THSD7B: variants seen among roughly 807,000 people sequenced by gnomAD.
The protein encoded by THSD7B is thrombospondin type 1 domain containing 7B.
THSD7B carries 138 observed loss-of-function variants against 213.6 expected under a neutral mutation model. The observed-to-expected ratio is 0.65, with a 90% CI of 0.56 to 0.74. THSD7B has a LOEUF of 0.74. THSD7B is among the 30% of genes least tolerant of loss of function. The probability of loss-of-function intolerance (pLI) is 0.00; values close to 1 mark genes in which losing one functional copy is unlikely to be tolerated. For synonymous variants in THSD7B, 742 were observed against 687.0 expected (o/e 1.08, Z -1.25); for missense variants, 1,931 against 1,991.5 (o/e 0.97, Z 0.58).
intron 12 of THSD7B, among the ~76,000 whole-genome samples, chr2:137,311,746 T>G (rs1683914505): frequency 2.0e-5 from 3 of 151,578 alleles, no homozygotes; most frequent in South Asian, 2.1e-4. Flanking sequence ...AGGCCTTTTC[T>G]GCATCCATTG....
At chr2:137,435,584 A>T (rs941522006) in intron 14 of THSD7B, among the ~76,000 whole-genome samples, 11 of 152,206 alleles carry the variant, frequency 7.2e-5, no homozygotes, top group Middle Eastern at 3.4e-3. Context: ...TTCTGTCCTT[A>T]TATTTGTACA....
intron 5 of THSD7B, among the ~76,000 whole-genome samples, chr2:137,137,866 G>T (rs957330976): frequency 2.6e-5 from 4 of 151,370 alleles, no homozygotes; most frequent in Non-Finnish European, 4.4e-5. Flanking sequence ...GGTTTTGTTG[G>T]GTTTGTTTTT....
chr2:137,304,443 A>T (rs1215078990), intron 12 of THSD7B, among the ~76,000 whole-genome samples: 1 of 152,032 alleles, frequency 6.6e-6, no homozygotes, highest in Non-Finnish European at 1.5e-5. Flanking sequence ...TTCATATATA[A>T]ATCTAGATTT....
At chr2:137,214,710 G>C (rs185195786) in intron 7 of THSD7B, among the ~76,000 whole-genome samples, 1 of 151,304 alleles carries the variant, frequency 6.6e-6, no homozygotes, top group African/African-American at 2.4e-5. Flanking sequence ...GTGTTAGTTT[G>C]CTGAGAAAGA....
intron 10 of THSD7B, among the ~76,000 whole-genome samples, chr2:137,265,058 A>G (rs1460981776): frequency 6.6e-6 from 1 of 151,920 alleles, no homozygotes; most frequent in East Asian, 1.9e-4. Flanking sequence ...ATTCCCACCT[A>G]TGAGTGAGAA....
rs553725481 is a variant in THSD7B at position 137,458,554 on chromosome 2, T to C, written c.3138+7531T>C. Among the ~76,000 whole-genome samples the C allele has an allele frequency of 4.6e-5, 7 of 152,288 alleles. No homozygotes were observed. The South Asian group carries it at 6.2e-4, about 14-fold the overall frequency. On this transcript the variant is annotated intron_variant, in intron 15 of 27. Coordinates refer to ENST00000409968, the MANE Select transcript of THSD7B (RefSeq NM_001316349.2). ...CTTGCAGCTAATCTGGACGCAATAGTTTTGGCACCCATCAAGCGGAAAGCT... is the reference window on the plus strand; with the variant it reads ...CTTGCAGCTAATCTGGACGCAATAGCTTTGGCACCCATCAAGCGGAAAGCT...
chr2:137,450,258 A>T (rs1687621857), intron 14 of THSD7B, among the ~76,000 whole-genome samples: 1 of 152,204 alleles, frequency 6.6e-6, no homozygotes, highest in Admixed American at 6.5e-5. Flanking sequence ...GTAGAGCTAG[A>T]ACTTCCAAAG....
At chr2:137,095,216 A>C (rs1048958949) in intron 4 of THSD7B, 95 bp downstream of exon 4, 2 of 1,472,114 alleles carry the variant, frequency 1.4e-6, no homozygotes, top group Non-Finnish European at 1.8e-6. Context: ...ACTCATATTT[A>C]TTGAGTCTTC....
At chr2:136,771,460 C>T (rs577284090) in intron 1 of THSD7B, among the ~76,000 whole-genome samples, 26 of 152,264 alleles carry the variant, frequency 1.7e-4, no homozygotes, top group African/African-American at 5.5e-4. Flanking sequence ...TCTTGCCTGT[C>T]GTTAATTTCC....
chr2:137,657,963 G>A (rs1387302906), intron 24 of THSD7B, among the ~76,000 whole-genome samples: 1 of 151,920 alleles, frequency 6.6e-6, no homozygotes, highest in African/African-American at 2.4e-5. Context: ...TGCCCGCCTC[G>A]GCCTCCCAAA....
intron 3 of THSD7B, among the ~76,000 whole-genome samples, chr2:137,065,175 C>T (rs1687352976): frequency 6.6e-6 from 1 of 151,770 alleles, no homozygotes; most frequent in African/African-American, 2.4e-5. Flanking sequence ...ATTTTTTGTG[C>T]CCTCTTCAAT....
chr2:136,936,915 C>T (rs919467088), intron 2 of THSD7B, among the ~76,000 whole-genome samples: 7 of 152,072 alleles, frequency 4.6e-5, no homozygotes, highest in African/African-American at 2.4e-5. Context: ...AAACAAATCT[C>T]ACCAAACCCA....
intron 12 of THSD7B, among the ~76,000 whole-genome samples, chr2:137,400,998 C>A (rs1686343701): frequency 1.3e-5 from 2 of 152,166 alleles, no homozygotes; most frequent in African/African-American, 4.8e-5. Context: ...CGCTGACATG[C>A]CAAAGAGTTA....
chr2:137,174,360 T>G (rs1231910824), intron 7 of THSD7B, among the ~76,000 whole-genome samples: 1 of 152,182 alleles, frequency 6.6e-6, no homozygotes, highest in African/African-American at 2.4e-5. Context: ...GGAAGACATA[T>G]TGCTCTTCCC....
intron 15 of THSD7B, among the ~76,000 whole-genome samples, chr2:137,518,189 A>T (rs1680110563): frequency 1.3e-5 from 2 of 152,114 alleles, no homozygotes; most frequent in African/African-American, 2.4e-5. Flanking sequence ...CCCAGCCTGC[A>T]CTGATGGCCT....
At chr2:137,145,611 G>A (rs751978292) in intron 5 of THSD7B, among the ~76,000 whole-genome samples, 1 of 152,008 alleles carries the variant, frequency 6.6e-6, no homozygotes, top group Non-Finnish European at 1.5e-5. Flanking sequence ...CCCCCATGCT[G>A]CCAAATATTA....
intron 12 of THSD7B, among the ~76,000 whole-genome samples, chr2:137,321,154 C>A (rs1289596044): frequency 6.6e-6 from 1 of 152,184 alleles, no homozygotes; most frequent in Non-Finnish European, 1.5e-5. Flanking sequence ...TCATCTTTAT[C>A]TTAATTAGCC....
intron 12 of THSD7B, among the ~76,000 whole-genome samples, chr2:137,387,680 T>G (rs1685926911): frequency 6.6e-6 from 1 of 152,200 alleles, no homozygotes. Flanking sequence ...TTTCTAAGAT[T>G]GTGTCCTGAG....
intron 14 of THSD7B, among the ~76,000 whole-genome samples, chr2:137,428,508 C>T (rs13411479): frequency 0.032 from 4,881 of 152,214 alleles, 228 homozygotes; most frequent in African/African-American, 0.1. Context: ...AGTAGTGTTA[C>T]TCTTTACAGC....
Sources: gnomAD v4.1 joint callset for allele counts (sites outside exome capture counted in the v4.1 genomes callset) on GRCh38, gnomAD v4.1.1 for gene constraint, MANE v1.5 for transcripts, NCBI Gene and HGNC (gene_info 2026-07-23, HGNC 2026-07-21) for gene names.